The following CDH18 variants were observed in gnomAD, a reference collection of about 807,000 sequenced individuals.
CDH18 encodes the protein cadherin 18.
In CDH18, 31 loss-of-function variants were observed where a neutral mutation model predicts 67.9. The ratio of observed to expected loss-of-function variants is 0.46; its 90% confidence interval spans 0.34 to 0.62. The LOEUF (loss-of-function observed/expected upper bound fraction) is 0.62, where lower values mean the gene tolerates loss of function less well. Among genes scored for constraint, CDH18 ranks in the 20% least tolerant of loss-of-function variants. The pLI is 0.01. For synonymous variants in CDH18, 362 were observed against 347.2 expected (o/e 1.04, Z -0.48); for missense variants, 890 against 975.5 (o/e 0.91, Z 1.17).
chr5:20,258,159 CT>C (rs1744387620), intron 1 of CDH18, among the ~76,000 whole-genome samples: 1 of 151,994 alleles, frequency 6.6e-6, no homozygotes, highest in Admixed American at 6.6e-5. Context: ...ATATTAGAAT[CT>C]TTTGTTGTAA....
rs532923057 is a variant in CDH18 at position 20,457,011 on chromosome 5, A to G, written c.-580+118451T>C. The stretch of plus-strand genomic sequence containing the variant: ...TCTAACATTATGTAAACCAAAATAC[A>G]TTTGTAATGTTTTAAGCTTTTAAAA... On this transcript the variant is annotated intron_variant, in intron 1 of 14. Coordinates refer to the CDH18 transcript ENST00000507958. Among the ~76,000 whole-genome samples the G allele has an allele frequency of 6.6e-5, 10 of 152,314 alleles. No homozygotes were observed. The East Asian group carries it at 7.7e-4, about 12-fold the overall frequency.
At chr5:19,814,083 A>C (rs1034023536) in intron 3 of CDH18, among the ~76,000 whole-genome samples, 1 of 151,964 alleles carries the variant, frequency 6.6e-6, no homozygotes, top group African/African-American at 2.4e-5. Flanking sequence ...AATAAATTTA[A>C]TATGGGAGAA....
intron 2 of CDH18, among the ~76,000 whole-genome samples, chr5:19,871,384 A>T (rs1037277846): frequency 7.3e-6 from 1 of 136,680 alleles, no homozygotes; most frequent in African/African-American, 2.5e-5. Context: ...TCATAAACTT[A>T]TCACATCTTT....
intron 2 of CDH18, among the ~76,000 whole-genome samples, chr5:20,145,139 A>T (rs914055752): frequency 2.2e-4 from 34 of 152,296 alleles, no homozygotes; most frequent in Non-Finnish European, 4.7e-4. Context: ...CAAGAAAAAA[A>T]TCTAGCCCTT....
At chr5:19,597,455 T>C (rs1347731089) in intron 6 of CDH18, among the ~76,000 whole-genome samples, 1 of 152,250 alleles carries the variant, frequency 6.6e-6, no homozygotes, top group Admixed American at 6.5e-5. Flanking sequence ...AAATGCATTC[T>C]TTTATTGTTC....
At chr5:19,530,074 A>C (rs142243999) in intron 9 of CDH18, among the ~76,000 whole-genome samples, 144 of 152,308 alleles carry the variant, frequency 9.5e-4, no homozygotes, top group African/African-American at 3.4e-3. Flanking sequence ...ATAGCACCGT[A>C]GTATTAGTAT....
chr5:20,159,249 T>TAG (rs1751790805), intron 2 of CDH18, among the ~76,000 whole-genome samples: 1 of 152,164 alleles, frequency 6.6e-6, no homozygotes, highest in South Asian at 2.1e-4. Flanking sequence ...TAAAAAGAAA[T>TAG]GACTAAGTCG....
intron 1 of CDH18, among the ~76,000 whole-genome samples, chr5:20,398,794 AC>A (rs1745504641): frequency 6.6e-6 from 1 of 151,938 alleles, no homozygotes; most frequent in Non-Finnish European, 1.5e-5. Flanking sequence ...GAAAACCACC[AC>A]GGCACACGTA....
intron 3 of CDH18, among the ~76,000 whole-genome samples, chr5:19,802,357 C>T (rs1184587505): frequency 6.6e-6 from 1 of 151,902 alleles, no homozygotes; most frequent in Non-Finnish European, 1.5e-5. Context: ...ATATATATAA[C>T]CTGACAAGTA....
intron 2 of CDH18, among the ~76,000 whole-genome samples, chr5:20,215,654 A>T (rs189673728): frequency 2.4e-4 from 37 of 152,082 alleles, no homozygotes; most frequent in South Asian, 2.1e-3. Context: ...AAATCATTGT[A>T]TCATAAAAGC....
chr5:20,237,713 G>A (rs888925789), intron 2 of CDH18, among the ~76,000 whole-genome samples: 7 of 151,874 alleles, frequency 4.6e-5, no homozygotes, highest in African/African-American at 1.2e-4. Context: ...GATGTAACAC[G>A]TTTAAGATAT....
intron 3 of CDH18, among the ~76,000 whole-genome samples, chr5:19,794,237 G>C (rs1776634954): frequency 6.6e-6 from 1 of 152,078 alleles, no homozygotes; most frequent in South Asian, 2.1e-4. Flanking sequence ...TTCTGAATGT[G>C]TCTGTGAGAG....
At chr5:19,599,144 C>A (rs1367977192) in intron 6 of CDH18, among the ~76,000 whole-genome samples, 2 of 151,888 alleles carry the variant, frequency 1.3e-5, no homozygotes, top group African/African-American at 4.8e-5. Flanking sequence ...AATATAATTT[C>A]CATATATGTG....
At chr5:19,842,420 G>A (rs535340763) in intron 2 of CDH18, among the ~76,000 whole-genome samples, 38 of 152,154 alleles carry the variant, frequency 2.5e-4, no homozygotes, top group Admixed American at 7.9e-4. Context: ...TTTTATAAGG[G>A]GCTCTTCTCC....
At chr5:20,534,371 CA>C (rs1561103938) in intron 1 of CDH18, among the ~76,000 whole-genome samples, 1 of 151,714 alleles carries the variant, frequency 6.6e-6, no homozygotes, top group East Asian at 1.9e-4. Flanking sequence ...TGATATTGCA[CA>C]AAAAGAAGCA....
intron 3 of CDH18, among the ~76,000 whole-genome samples, chr5:19,836,700 T>C (rs1646280190): frequency 6.6e-6 from 1 of 152,200 alleles, no homozygotes. Flanking sequence ...ATTTTGGCTT[T>C]TATTGCCATT....
chr5:19,797,458 CAA>C (rs1776978118), intron 3 of CDH18, among the ~76,000 whole-genome samples: 1 of 151,790 alleles, frequency 6.6e-6, no homozygotes, highest in South Asian at 2.1e-4. Flanking sequence ...CAAAACAAAA[CAA>C]AGAAATAAAC....
At chr5:20,560,814 A>G (rs1758165328) in intron 1 of CDH18, among the ~76,000 whole-genome samples, 2 of 152,078 alleles carry the variant, frequency 1.3e-5, no homozygotes, top group South Asian at 2.1e-4. Flanking sequence ...ATGCAATATT[A>G]TGAGAATTAG....
At chr5:19,847,257 C>A (rs1360667635) in intron 2 of CDH18, among the ~76,000 whole-genome samples, 5 of 152,156 alleles carry the variant, frequency 3.3e-5, no homozygotes, top group East Asian at 1.9e-4. Flanking sequence ...TGGAATCTCA[C>A]AATGTGCATA....
Sources: gnomAD v4.1 joint callset for allele counts (sites outside exome capture counted in the v4.1 genomes callset) on GRCh38, gnomAD v4.1.1 for gene constraint, MANE v1.5 for transcripts, NCBI Gene and HGNC (gene_info 2026-07-23, HGNC 2026-07-21) for gene names.